The following LDHC variants were observed in gnomAD, a reference collection of about 807,000 sequenced individuals.
LDHC encodes the protein L-lactate dehydrogenase C chain.
LDHC carries 20 observed loss-of-function variants against 30.2 expected under a neutral mutation model. The observed-to-expected ratio is 0.66, with a 90% CI of 0.47 to 0.96. The LOEUF (loss-of-function observed/expected upper bound fraction) is 0.96, where lower values mean the gene tolerates loss of function less well. LDHC is among the 40% of genes least tolerant of loss of function. The pLI is 0.00. For synonymous variants in LDHC, 139 were observed against 132.7 expected (o/e 1.05, Z -0.32); for missense variants, 362 against 394.9 (o/e 0.92, Z 0.71).
rs1848647601 is a variant in LDHC at position 18,451,067 on chromosome 11, G to C, written c.939G>C (p.Glu313Asp). ...AAATTAACTTGAATTCTGAGGAGGA[G>C]GCCCTTTTCAAGAAGAGTGCAGAAA... Reference protein sequence around the residue: ...VVKINLNSEEEALFKKSAETL... With the variant: ...VVKINLNSEEDALFKKSAETL... The change falls in exon 8 of 8, where the codon GAG (glutamate) becomes GAC (aspartate). Residue 313 changes from glutamate to aspartate, a missense_variant. Coordinates refer to ENST00000541669, the MANE Select transcript of LDHC (RefSeq NM_017448.5). 1 of 1,585,642 alleles carries C rather than the reference G, an allele frequency of 6.3e-7. No homozygotes were observed. The highest frequency in any genetic ancestry group is 1.4e-5 in the African/African-American group (1 of 73,162).
chr11:18,425,740 C>T (rs113191647), intron 3 of LDHC, among the ~76,000 whole-genome samples: 2,029 of 151,712 alleles, frequency 0.013, 50 homozygotes, highest in African/African-American at 0.046. Flanking sequence ...GAGATCAAGA[C>T]CATCCTGGCT....
intron 5 of LDHC, among the ~76,000 whole-genome samples, chr11:18,436,698 C>T (rs1445654149): frequency 1.3e-5 from 2 of 151,816 alleles, no homozygotes; most frequent in East Asian, 3.9e-4. Flanking sequence ...GTTGGTCAGG[C>T]TGGTCTCGAA....
At chr11:18,432,393 C>T (rs1848282344) in intron 4 of LDHC, among the ~76,000 whole-genome samples, 1 of 152,080 alleles carries the variant, frequency 6.6e-6, no homozygotes, top group Non-Finnish European at 1.5e-5. Flanking sequence ...TATGGTCTGT[C>T]TTGGAGAAAG....
chr11:18,445,894 A>G (rs1374056209), intron 6 of LDHC, among the ~76,000 whole-genome samples: 2 of 152,154 alleles, frequency 1.3e-5, no homozygotes, highest in Non-Finnish European at 2.9e-5. Flanking sequence ...AGGATCGCAT[A>G]AGCCCAGGAG....
intron 3 of LDHC, among the ~76,000 whole-genome samples, chr11:18,421,407 C>T (rs1166759811): frequency 6.6e-6 from 1 of 151,646 alleles, no homozygotes; most frequent in Non-Finnish European, 1.5e-5. Context: ...GATGTGGTGG[C>T]TCACGCCAGT....
chr11:18,418,424 CTATTT>C (rs200315628), intron 3 of LDHC, among the ~76,000 whole-genome samples: 2 of 150,250 alleles, frequency 1.3e-5, no homozygotes, highest in African/African-American at 4.9e-5. Context: ...AAGAGTATTA[CTATTT>C]TATTTTATTT....
chr11:18,424,321 G>C (rs1027196555), intron 3 of LDHC, among the ~76,000 whole-genome samples: 2 of 152,058 alleles, frequency 1.3e-5, no homozygotes, highest in African/African-American at 2.4e-5. Flanking sequence ...GGTGGAGGTT[G>C]CAGTGAGCCT....
chr11:18,437,708 C>T (rs1343629810), intron 5 of LDHC, among the ~76,000 whole-genome samples: 9 of 143,790 alleles, frequency 6.3e-5, no homozygotes, highest in Non-Finnish European at 1.4e-4. Flanking sequence ...GCCGAGATCG[C>T]GCCACTGCAC....
chr11:18,428,500 A>G (rs909978863), intron 3 of LDHC, among the ~76,000 whole-genome samples: 1 of 152,104 alleles, frequency 6.6e-6, no homozygotes, highest in African/African-American at 2.4e-5. Context: ...AGTCGAGATG[A>G]GATAGATATA....
chr11:18,448,248 T>G (rs1848588880), intron 7 of LDHC, among the ~76,000 whole-genome samples: 1 of 152,064 alleles, frequency 6.6e-6, no homozygotes, highest in Non-Finnish European at 1.5e-5. Context: ...TAATAGCCTT[T>G]ACCGAACAAG....
chr11:18,447,978 G>A (rs537722397), intron 7 of LDHC, among the ~76,000 whole-genome samples: 1 of 150,482 alleles, frequency 6.6e-6, no homozygotes, highest in African/African-American at 2.4e-5. Flanking sequence ...GAACCCAGGA[G>A]GTACAAGCTG....
chr11:18,430,365 G>A (rs1848244687), intron 4 of LDHC, among the ~76,000 whole-genome samples: 1 of 152,076 alleles, frequency 6.6e-6, no homozygotes, highest in African/African-American at 2.4e-5. Context: ...GAGATGGGGT[G>A]TCATTCAACC....
At chr11:18,431,209 G>A (rs542476483) in intron 4 of LDHC, among the ~76,000 whole-genome samples, 10 of 151,892 alleles carry the variant, frequency 6.6e-5, no homozygotes, top group South Asian at 4.2e-4. Flanking sequence ...TGTAATCCCC[G>A]CAACACTTTG....
At chr11:18,446,110 T>C (rs1240035741) in intron 6 of LDHC, 100 bp from the exon 7 acceptor site, 2 of 959,318 alleles carry the variant, frequency 2.1e-6, no homozygotes, top group African/African-American at 1.6e-5. Flanking sequence ...TACAATTGCA[T>C]TGACATGTAG....
rs1261172109 is a variant in LDHC, at chr11:18,450,875, T to G, written c.835-88T>G. 3 of 949,538 alleles carry G rather than the reference T, an allele frequency of 3.2e-6. No homozygotes were observed. The African/African-American group carries it at 5.2e-5, about 16-fold the overall frequency. 58.8% of individuals were successfully genotyped at this position (949,538 alleles called of 1,614,324 possible). On this transcript the variant is annotated intron_variant, in intron 7 of 7. Coordinates refer to ENST00000541669, the MANE Select transcript of LDHC (RefSeq NM_017448.5). The stretch of plus-strand genomic sequence containing the variant: ...GCGATTCTTGTTGAATGCTTTAGTC[T>G]CTCCTGTATACTCTCATTTTGATGC...
In LDHC at chr11:18,442,625, G is replaced by A. The variant is rs551386964; in HGVS notation, c.711-3585G>A. Among the ~76,000 whole-genome samples, 14 of 149,194 alleles carry A rather than the reference G, an allele frequency of 9.4e-5. No homozygotes were observed. The South Asian group carries it at 2.8e-3, about 29-fold the overall frequency. ...CGTCTTATTAAAGGTATTGATACAC[G>A]CATTCAATCACATGTTTTATCTCTT... On this transcript the variant is annotated intron_variant, in intron 6 of 7. Coordinates refer to ENST00000541669, the MANE Select transcript of LDHC (RefSeq NM_017448.5).
intron 7 of LDHC, among the ~76,000 whole-genome samples, chr11:18,446,603 C>T (rs1848559663): frequency 6.6e-6 from 1 of 152,174 alleles, no homozygotes; most frequent in African/African-American, 2.4e-5. Flanking sequence ...CTCAAACTAG[C>T]TTATGCAAAA....
At chr11:18,444,604 G>GTACATA (rs1848519077) in intron 6 of LDHC, among the ~76,000 whole-genome samples, 1 of 89,308 alleles carries the variant, frequency 1.1e-5, no homozygotes, top group African/African-American at 3.3e-5. Flanking sequence ...TGTTCAGGTG[G>GTACATA]TATATATATA....
intron 6 of LDHC, among the ~76,000 whole-genome samples, 196 bp downstream of exon 6, chr11:18,438,841 C>T (rs1209537199): frequency 6.6e-6 from 1 of 152,130 alleles, no homozygotes; most frequent in Non-Finnish European, 1.5e-5. Context: ...CTTATTATTT[C>T]ACAACTCATA....
Sources: gnomAD v4.1 joint callset for allele counts (sites outside exome capture counted in the v4.1 genomes callset) on GRCh38, gnomAD v4.1.1 for gene constraint, MANE v1.5 for transcripts, NCBI Gene and HGNC (gene_info 2026-07-23, HGNC 2026-07-21) for gene names.